Variants in HIVEP3 observed in about 807,000 individuals in gnomAD.
The protein encoded by HIVEP3 is HIVEP zinc finger 3.
HIVEP3 carries 49 observed loss-of-function variants against 152.8 expected under a neutral mutation model. That is an observed-to-expected ratio of 0.32 (90% CI 0.26 to 0.41). The LOEUF (loss-of-function observed/expected upper bound fraction) is 0.41. Among genes scored for constraint, HIVEP3 ranks in the 10% least tolerant of loss-of-function variants. HIVEP3 has a pLI of 1.00. For synonymous variants in HIVEP3, 1,269 were observed against 1,289.0 expected (o/e 0.98, Z 0.33); for missense variants, 2,790 against 3,103.3 (o/e 0.90, Z 2.40).
At chr1:41,952,109 CCTGAAG>C (rs1407924637) in intron 1 of HIVEP3, among the ~76,000 whole-genome samples, 1 of 152,148 alleles carries the variant, frequency 6.6e-6, no homozygotes, top group Admixed American at 6.5e-5. Context: ...GGCTATCTTC[CCTGAAG>C]ATACATTCTC....
At chr1:41,868,290 G>A (rs1570703005) in intron 1 of HIVEP3, among the ~76,000 whole-genome samples, 1 of 151,486 alleles carries the variant, frequency 6.6e-6, no homozygotes, top group Non-Finnish European at 1.5e-5. Flanking sequence ...CCCAGTGTCA[G>A]CCTTGGGTAG....
At chr1:41,985,250 A>G (rs1344955038) in intron 1 of HIVEP3, among the ~76,000 whole-genome samples, 1 of 152,240 alleles carries the variant, frequency 6.6e-6, no homozygotes, top group Non-Finnish European at 1.5e-5. Context: ...CCTAAGAAGG[A>G]GGCAGGAGCC....
chr1:41,591,271 C>T (rs768918450), intron 3 of HIVEP3, among the ~76,000 whole-genome samples: 5 of 152,106 alleles, frequency 3.3e-5, no homozygotes, highest in Non-Finnish European at 5.9e-5. Context: ...AGGTTGAATT[C>T]GGAGGTCAAA....
chr1:41,772,643 C>CTCAT (rs1278014366), intron 1 of HIVEP3, among the ~76,000 whole-genome samples: 29 of 152,340 alleles, frequency 1.9e-4, no homozygotes, highest in African/African-American at 7.0e-4. Flanking sequence ...GGCACGGTGG[C>CTCAT]TCATGCCTGT....
chr1:41,783,574 G>T (rs1649177268), intron 1 of HIVEP3, among the ~76,000 whole-genome samples: 1 of 152,232 alleles, frequency 6.6e-6, no homozygotes, highest in South Asian at 2.1e-4. Context: ...GGACACTCTT[G>T]CCAGTCACTA....
intron 5 of HIVEP3, among the ~76,000 whole-genome samples, chr1:41,570,058 AGAG>A (rs748134241): frequency 1.1e-4 from 16 of 152,222 alleles, no homozygotes; most frequent in African/African-American, 3.6e-4. Flanking sequence ...CCCGGAGTTC[AGAG>A]GAGAAGTCCT....
At chr1:41,832,521 A>C (rs1448107531) in intron 1 of HIVEP3, among the ~76,000 whole-genome samples, 1 of 152,136 alleles carries the variant, frequency 6.6e-6, no homozygotes, top group Non-Finnish European at 1.5e-5. Context: ...ACACAGTGAG[A>C]CCCAGTCTCA....
chr1:41,890,042 A>T (rs1166431123), intron 1 of HIVEP3, among the ~76,000 whole-genome samples: 1 of 152,250 alleles, frequency 6.6e-6, no homozygotes, highest in Non-Finnish European at 1.5e-5. Context: ...CCTGGTTCAA[A>T]TCCTGGCTCG....
intron 1 of HIVEP3, among the ~76,000 whole-genome samples, chr1:41,796,638 C>T (rs1649999870): frequency 1.3e-5 from 2 of 152,242 alleles, no homozygotes; most frequent in South Asian, 2.1e-4. Context: ...TTATCTTGAG[C>T]AGGTAATTTA....
Position 42,028,804 on chromosome 1 carries a change from A to T in HIVEP3, n.119+7003T>A, listed in dbSNP as rs1176496932. Among the ~76,000 whole-genome samples, 6 of 152,186 alleles carry T rather than the reference A, an allele frequency of 3.9e-5. No homozygotes were observed. In the East Asian group the frequency reaches 1.2e-3, roughly 29 times the overall value. ...CTTCTACTAGGTGCCTCTAACTCAAATGCCTTCAGAATCCTGACAGGTAAG... is the reference window on the plus strand; with the variant it reads ...CTTCTACTAGGTGCCTCTAACTCAATTGCCTTCAGAATCCTGACAGGTAAG... On this transcript the variant is annotated intron_variant and non_coding_transcript_variant, in intron 1 of 3. Transcript: ENST00000489103.
At chr1:42,031,383 TTTC>T (rs1167704454) in intron 1 of HIVEP3, among the ~76,000 whole-genome samples, 8 of 152,202 alleles carry the variant, frequency 5.3e-5, no homozygotes, top group African/African-American at 1.9e-4. Flanking sequence ...TATTTTGTAT[TTTC>T]TTCTTCTTCC....
chr1:41,593,693 G>C (rs1222388140), intron 3 of HIVEP3, among the ~76,000 whole-genome samples: 1 of 152,208 alleles, frequency 6.6e-6, no homozygotes, highest in African/African-American at 2.4e-5. Context: ...TTTAACATTA[G>C]CTAATAAGAA....
intron 1 of HIVEP3, among the ~76,000 whole-genome samples, chr1:41,941,570 C>T (rs1012205075): frequency 6.6e-6 from 1 of 151,980 alleles, no homozygotes; most frequent in African/African-American, 2.4e-5. Flanking sequence ...TGAGAATAAG[C>T]AGGGAGGGTA....
intron 4 of HIVEP3, among the ~76,000 whole-genome samples, chr1:41,577,215 T>C (rs1644339748): frequency 6.6e-6 from 1 of 152,238 alleles, no homozygotes; most frequent in Non-Finnish European, 1.5e-5. Flanking sequence ...ACAATATGAA[T>C]AAGTATAGTT....
At chr1:41,590,980 G>C (rs1331509792) in intron 3 of HIVEP3, among the ~76,000 whole-genome samples, 1 of 152,170 alleles carries the variant, frequency 6.6e-6, no homozygotes, top group Admixed American at 6.5e-5. Flanking sequence ...TGTAAAAAGG[G>C]ACAGTAAAAC....
chr1:41,547,113 C>G (rs930023627), intron 5 of HIVEP3, among the ~76,000 whole-genome samples: 6 of 152,162 alleles, frequency 3.9e-5, no homozygotes, highest in Non-Finnish European at 5.9e-5. Context: ...AAGAGAGGCA[C>G]AGTGACTTGC....
intron 1 of HIVEP3, among the ~76,000 whole-genome samples, chr1:41,946,418 T>G (rs1645075522): frequency 6.6e-6 from 1 of 152,138 alleles, no homozygotes; most frequent in Non-Finnish European, 1.5e-5. Flanking sequence ...CTTCTCAGTC[T>G]TACTTTCCTG....
chr1:41,995,963 A>T (rs1424591380), intron 1 of HIVEP3, among the ~76,000 whole-genome samples: 2 of 152,184 alleles, frequency 1.3e-5, no homozygotes, highest in African/African-American at 4.8e-5. Flanking sequence ...CTGCCTCAAC[A>T]AATCACCCCA....
chr1:41,762,917 T>C (rs561181253), intron 1 of HIVEP3, among the ~76,000 whole-genome samples: 2 of 152,348 alleles, frequency 1.3e-5, no homozygotes, highest in South Asian at 4.1e-4. Context: ...ATAGGTGGAA[T>C]TGGCCACTCC....
Sources: gnomAD v4.1 joint callset for allele counts (sites outside exome capture counted in the v4.1 genomes callset) on GRCh38, gnomAD v4.1.1 for gene constraint, MANE v1.5 for transcripts, NCBI Gene and HGNC (gene_info 2026-07-23, HGNC 2026-07-21) for gene names.